The following ANKRD30BL variants were observed in gnomAD, a reference collection of about 807,000 sequenced individuals.
The protein encoded by ANKRD30BL is putative ankyrin repeat domain-containing protein 30B-like.
In ANKRD30BL, 20 loss-of-function variants were observed where a neutral mutation model predicts 18.4. That is an observed-to-expected ratio of 1.09 (90% confidence interval 0.77 to 1.58). ANKRD30BL has a LOEUF of 1.58. Ranked by LOEUF, ANKRD30BL falls within the 40% of genes most tolerant of loss-of-function variation. The pLI is 0.00. For missense variants in ANKRD30BL, 224 were observed against 268.6 expected (o/e 0.83, Z 1.16); for synonymous variants, 72 against 100.9 (o/e 0.71, Z 1.72).
At chr2:132,257,386 C>G in intron 1 of ANKRD30BL, 2 of 332,628 alleles carry the variant, frequency 6.0e-6, no homozygotes, top group South Asian at 4.5e-5. Flanking sequence ...CTCACGCAGC[C>G]TCCCAACCGC....
intron 1 of ANKRD30BL, among the ~76,000 whole-genome samples, chr2:132,203,744 C>T (rs9630952): frequency 0.066 from 9,357 of 142,454 alleles, 351 homozygotes; most frequent in African/African-American, 0.22. Flanking sequence ...AAAGGAAAAC[C>T]GATTTTCTTT....
chr2:132,225,369 G>A (rs892974934), intron 1 of ANKRD30BL, among the ~76,000 whole-genome samples: 6 of 151,998 alleles, frequency 3.9e-5, no homozygotes, highest in South Asian at 4.1e-4. Flanking sequence ...TCTTTGTGAT[G>A]TTTGCCTTAA....
upstream of ANKRD30BL, among the ~76,000 whole-genome samples, chr2:132,162,328 C>T (rs891295164): frequency 1.4e-4 from 22 of 152,324 alleles, no homozygotes; most frequent in African/African-American, 5.3e-4. Flanking sequence ...GGGTTGCAGC[C>T]TCTCCTGCCA....
intron 1 of ANKRD30BL, among the ~76,000 whole-genome samples, chr2:132,206,217 T>A (rs190526095): frequency 3.3e-5 from 5 of 151,982 alleles, no homozygotes; most frequent in African/African-American, 1.2e-4. Context: ...TAAAAAGAGA[T>A]GAGAAGTCAG....
intron 1 of ANKRD30BL, among the ~76,000 whole-genome samples, chr2:132,219,093 C>G (rs1415204222): frequency 1.3e-5 from 2 of 151,272 alleles, no homozygotes; most frequent in African/African-American, 2.4e-5. Context: ...GCAGAATCTG[C>G]AAGTGGACAT....
intron 1 of ANKRD30BL, among the ~76,000 whole-genome samples, chr2:132,256,319 G>A (rs1490489479): frequency 2.4e-4 from 35 of 147,384 alleles, no homozygotes; most frequent in Admixed American, 2.2e-3. Context: ...GTGGGAGGGG[G>A]GTGGTGGGGC....
chr2:132,158,509 T>C (rs1210713077), intron 1 of ANKRD30BL, among the ~76,000 whole-genome samples: 3 of 151,944 alleles, frequency 2.0e-5, no homozygotes, highest in Admixed American at 2.0e-4. Context: ...AAATCTTCAA[T>C]TGAGATTCAT....
intron 1 of ANKRD30BL, among the ~76,000 whole-genome samples, chr2:132,215,260 CT>C (rs1300112073): frequency 6.6e-6 from 1 of 152,258 alleles, no homozygotes; most frequent in Non-Finnish European, 1.5e-5. Flanking sequence ...TTGAACATTT[CT>C]TTTGATTGAG....
At chr2:132,164,287 T>C (rs1436543186), upstream of ANKRD30BL, among the ~76,000 whole-genome samples, 3 of 147,706 alleles carry the variant, frequency 2.0e-5, no homozygotes, top group African/African-American at 7.5e-5. Context: ...TTTTTTTTTT[T>C]TTTTTTAAGA....
intron 1 of ANKRD30BL, among the ~76,000 whole-genome samples, chr2:132,220,969 C>G (rs1167902182): frequency 1.2e-4 from 18 of 151,734 alleles, no homozygotes; most frequent in African/African-American, 4.1e-4. Flanking sequence ...GCGTCTCTGC[C>G]CGGCCGCCCA....
intron 1 of ANKRD30BL, among the ~76,000 whole-genome samples, chr2:132,178,145 A>C (rs1688396766): frequency 6.6e-6 from 1 of 152,256 alleles, no homozygotes; most frequent in Admixed American, 6.5e-5. Flanking sequence ...AACTTAGCAC[A>C]TTATATGTTC....
upstream of ANKRD30BL, among the ~76,000 whole-genome samples, chr2:132,162,209 C>A (rs562247646): frequency 6.6e-6 from 1 of 152,122 alleles, no homozygotes; most frequent in African/African-American, 2.4e-5. Flanking sequence ...TCCAGGGTGG[C>A]GCTGAGCGTC....
chr2:132,206,814 A>G (rs1277516131), intron 1 of ANKRD30BL, among the ~76,000 whole-genome samples: 1 of 152,276 alleles, frequency 6.6e-6, no homozygotes, highest in Non-Finnish European at 1.5e-5. Context: ...TGAAGGAGTT[A>G]GCAGTGCTGC....
At chr2:132,155,807 G>C (rs1294741540) in intron 3 of ANKRD30BL, 2 of 150,698 alleles carry the variant, frequency 1.3e-5, no homozygotes, top group African/African-American at 4.9e-5. Context: ...GCTGAGGCAG[G>C]AGAATCGCTT....
At chr2:132,231,793 G>A (rs1188141704) in intron 1 of ANKRD30BL, among the ~76,000 whole-genome samples, 6 of 152,224 alleles carry the variant, frequency 3.9e-5, no homozygotes, top group African/African-American at 1.4e-4. Flanking sequence ...GGCTTGCTTA[G>A]GTAAACAAAG....
intron 1 of ANKRD30BL, among the ~76,000 whole-genome samples, chr2:132,250,897 T>C (rs1279141812): frequency 1.3e-5 from 2 of 152,194 alleles, no homozygotes; most frequent in Non-Finnish European, 2.9e-5. Context: ...GATTATTCAA[T>C]CACTTTTCAT....
chr2:132,221,825 G>A (rs527345319), intron 1 of ANKRD30BL, among the ~76,000 whole-genome samples: 13 of 106,412 alleles, frequency 1.2e-4, no homozygotes, highest in South Asian at 3.1e-4. Context: ...AGGTGGGGGG[G>A]TCAGCCCCCC....
At position 132,248,332 on chromosome 2, in the gene ANKRD30BL, A is replaced by G. The variant is rs566354058; in HGVS notation, n.441+9197T>C. Among the ~76,000 whole-genome samples the G allele has an allele frequency of 3.8e-4, 58 of 152,322 alleles. No individual in the cohort carries two copies. In the East Asian group the frequency reaches 9.1e-3, roughly 24 times the overall value. On this transcript the variant is annotated intron_variant and non_coding_transcript_variant, in intron 1 of 4. Coordinates refer to the ANKRD30BL transcript ENST00000470729. ...AACATCCATTTGCAGATTCTACAAA[A>G]AGAGAGTTTCTAAACTGCTCAATCG...
chr2:132,221,370 G>A (rs1359777691), intron 1 of ANKRD30BL, among the ~76,000 whole-genome samples: 3 of 128,204 alleles, frequency 2.3e-5, no homozygotes, highest in Non-Finnish European at 3.4e-5. Flanking sequence ...GAGGGGGGAG[G>A]GGGGGTCAGC....
Sources: allele counts gnomAD v4.1 joint callset (sites outside exome capture counted in the v4.1 genomes callset), GRCh38; gene constraint gnomAD v4.1.1; transcripts MANE v1.5; gene names NCBI Gene and HGNC (gene_info 2026-07-23, HGNC 2026-07-21).